Variants in RSRC1 observed in about 807,000 individuals in gnomAD.
RSRC1 encodes arginine and serine rich coiled-coil 1.
A neutral mutation model predicts 49.1 loss-of-function variants in RSRC1; 39 were observed. That is an observed-to-expected ratio of 0.79 (90% CI 0.61 to 1.04). RSRC1 has a LOEUF of 1.04. Among genes scored for constraint, RSRC1 ranks in the 50% least tolerant of loss-of-function variants. RSRC1 has a pLI of 0.00. For synonymous variants in RSRC1, 143 were observed against 130.8 expected, an observed-to-expected ratio of 1.09 and a Z score of -0.63; for missense variants, 388 against 402.4, an observed-to-expected ratio of 0.96 and a Z score of 0.31.
chr3:158,445,019 G>C (rs1480651509), intron 6 of RSRC1, among the ~76,000 whole-genome samples: 1 of 152,166 alleles, frequency 6.6e-6, no homozygotes, highest in Non-Finnish European at 1.5e-5. Flanking sequence ...TGCTGGAGAG[G>C]ATGTGGAGAA....
chr3:158,260,067 A>T (rs1038846415), intron 4 of RSRC1, among the ~76,000 whole-genome samples: 24 of 151,816 alleles, frequency 1.6e-4, no homozygotes, highest in Non-Finnish European at 3.4e-4. Flanking sequence ...TTGGTGCTCT[A>T]CCCCAGTGTG....
intron 7 of RSRC1, among the ~76,000 whole-genome samples, chr3:158,512,824 C>A (rs1740267065): frequency 1.3e-5 from 2 of 151,182 alleles, no homozygotes; most frequent in African/African-American, 4.9e-5. Context: ...TTGAAGAGGT[C>A]CTTCACATCC....
intron 7 of RSRC1, among the ~76,000 whole-genome samples, chr3:158,516,722 A>G (rs1371637753): frequency 6.6e-6 from 1 of 152,160 alleles, no homozygotes; most frequent in Non-Finnish European, 1.5e-5. Context: ...GTTTGATCTC[A>G]GACTGCTGTG....
intron 4 of RSRC1, among the ~76,000 whole-genome samples, chr3:158,292,137 G>C (rs746004013): frequency 3.9e-5 from 6 of 152,062 alleles, no homozygotes; most frequent in Non-Finnish European, 5.9e-5. Context: ...TGCTTCATAC[G>C]TGTTGAGCCA....
chr3:158,411,846 T>TATC (rs1445385023), intron 6 of RSRC1, among the ~76,000 whole-genome samples: 4 of 152,146 alleles, frequency 2.6e-5, no homozygotes, highest in African/African-American at 9.7e-5. Flanking sequence ...GCTATTGGTA[T>TATC]ATCCTGGATA....
At chr3:158,254,106 T>C (rs563131607) in intron 4 of RSRC1, among the ~76,000 whole-genome samples, 4 of 152,330 alleles carry the variant, frequency 2.6e-5, no homozygotes, top group African/African-American at 7.2e-5. Flanking sequence ...CATCCTTTTT[T>C]ATGGCTGCAT....
intron 6 of RSRC1, among the ~76,000 whole-genome samples, chr3:158,373,475 A>G (rs116209431): frequency 0.013 from 2,016 of 152,046 alleles, 24 homozygotes; most frequent in Non-Finnish European, 0.021. Flanking sequence ...TTCAGTATCT[A>G]TATAGATGAT....
intron 6 of RSRC1, among the ~76,000 whole-genome samples, chr3:158,453,129 A>C (rs1278855655): frequency 6.6e-6 from 1 of 152,004 alleles, no homozygotes; most frequent in Admixed American, 6.6e-5. Context: ...CACTGTGTTT[A>C]GCCTCTTCCA....
At position 158,225,178 on chromosome 3, in the gene RSRC1, G is replaced by T. The variant is rs145664421; in HGVS notation, c.494+21933G>T. ...GAGACCTAGTCTAGCCTGTTTCCCT[G>T]CAGATGAGTAGAGTGTGACCACCAG... On this transcript the variant is annotated intron_variant, in intron 4 of 9. Transcript: ENST00000611884. Among the ~76,000 whole-genome samples the T allele has an allele frequency of 1.7e-3, 259 of 151,914 alleles. 2 individuals are homozygous for T. The highest frequency in any genetic ancestry group is 6.1e-3 in the African/African-American group (254 of 41,504).
At chr3:158,470,875 C>T (rs1049109302) in intron 7 of RSRC1, among the ~76,000 whole-genome samples, 7 of 152,066 alleles carry the variant, frequency 4.6e-5, no homozygotes, top group African/African-American at 1.7e-4. Flanking sequence ...GTGCATTAGA[C>T]AATACATAGG....
chr3:158,213,159 T>C (rs1198169662), intron 4 of RSRC1, among the ~76,000 whole-genome samples: 1 of 151,968 alleles, frequency 6.6e-6, no homozygotes, highest in African/African-American at 2.4e-5. Context: ...TGTGATATTA[T>C]AGGACAGTTT....
At chr3:158,224,042 C>CA (rs1389881621) in intron 4 of RSRC1, among the ~76,000 whole-genome samples, 5 of 151,688 alleles carry the variant, frequency 3.3e-5, no homozygotes, top group African/African-American at 1.2e-4. Context: ...TTAGTACTCC[C>CA]ACCAGAATAT....
chr3:158,346,167 C>T (rs1037374591), intron 5 of RSRC1, among the ~76,000 whole-genome samples: 1 of 152,070 alleles, frequency 6.6e-6, no homozygotes, highest in African/African-American at 2.4e-5. Context: ...AGGAAATTGG[C>T]AGAGTATGGT....
chr3:158,204,553 A>T (rs774687257), intron 4 of RSRC1, among the ~76,000 whole-genome samples: 10 of 152,214 alleles, frequency 6.6e-5, no homozygotes, highest in Non-Finnish European at 1.3e-4. Flanking sequence ...AATGGAATGA[A>T]GGCAGAAAGC....
intron 7 of RSRC1, among the ~76,000 whole-genome samples, chr3:158,515,277 C>G (rs529245814): frequency 2.0e-5 from 3 of 151,538 alleles, no homozygotes; most frequent in Admixed American, 6.6e-5. Flanking sequence ...TTCAGGAGCT[C>G]TTTTAGGGCA....
chr3:158,176,353 A>G (rs1719216412), intron 3 of RSRC1, among the ~76,000 whole-genome samples: 1 of 152,214 alleles, frequency 6.6e-6, no homozygotes, highest in Non-Finnish European at 1.5e-5. Context: ...AGACTATCAT[A>G]AGCAAAAAGA....
At chr3:158,118,462 T>TGCGCGCGCGCGC (rs1378375739) in intron 1 of RSRC1, among the ~76,000 whole-genome samples, 2 of 124,682 alleles carry the variant, frequency 1.6e-5, no homozygotes, top group Non-Finnish European at 3.3e-5. Context: ...TGTGTGTGTG[T>TGCGCGCGCGCGC]GCGCGTGCGC....
chr3:158,338,154 A>C (rs1730024803), intron 5 of RSRC1, among the ~76,000 whole-genome samples: 1 of 151,908 alleles, frequency 6.6e-6, no homozygotes, highest in South Asian at 2.1e-4. Context: ...TGAAATATGT[A>C]TATAAAATGG....
At chr3:158,129,757 AAAGTTAGGTG>A in intron 3 of RSRC1, among the ~76,000 whole-genome samples, 1 of 152,326 alleles carries the variant, frequency 6.6e-6, no homozygotes, top group South Asian at 2.1e-4. Flanking sequence ...AGTAAGTCTT[AAAGTTAGGTG>A]TTATTGTTTA....
Sources: allele counts gnomAD v4.1 joint callset (sites outside exome capture counted in the v4.1 genomes callset), GRCh38; gene constraint gnomAD v4.1.1; transcripts MANE v1.5; gene names NCBI Gene and HGNC (gene_info 2026-07-23, HGNC 2026-07-21).